Variants in EIF3E observed in about 807,000 individuals in gnomAD.
The protein encoded by EIF3E is eukaryotic translation initiation factor 3 subunit E.
A neutral mutation model predicts 59.3 loss-of-function variants in EIF3E; 25 were observed. The observed-to-expected ratio is 0.42, with a 90% CI of 0.31 to 0.59. EIF3E has a LOEUF of 0.59. EIF3E is among the 20% of genes least tolerant of loss of function. The probability of loss-of-function intolerance (pLI) is 0.15; values close to 1 mark genes in which losing one functional copy is unlikely to be tolerated. For synonymous variants in EIF3E, 176 were observed against 170.2 expected (o/e 1.03, Z -0.26); for missense variants, 317 against 534.3 (o/e 0.59, Z 4.01).
intron 10 of EIF3E, among the ~76,000 whole-genome samples, chr8:108,204,064 A>G (rs1815045255): frequency 6.6e-6 from 1 of 152,126 alleles, no homozygotes; most frequent in South Asian, 2.1e-4. Context: ...TAACATGCAT[A>G]GGTTATATGA....
chr8:108,242,527 C>T (rs1050236198), intron 1 of EIF3E: 4 of 1,170,350 alleles, frequency 3.4e-6, no homozygotes, highest in Non-Finnish European at 4.3e-6. Context: ...GACAGAAATG[C>T]TTCAGCAAAA....
chr8:108,246,440 C>T (rs1815951318), intron 1 of EIF3E, among the ~76,000 whole-genome samples: 1 of 152,160 alleles, frequency 6.6e-6, no homozygotes, highest in Non-Finnish European at 1.5e-5. Context: ...CAGTACCTAC[C>T]TCTTCGACAT....
chr8:108,202,454 T>A (rs1307545233), intron 12 of EIF3E, among the ~76,000 whole-genome samples: 1 of 152,028 alleles, frequency 6.6e-6, no homozygotes, highest in East Asian at 1.9e-4. Flanking sequence ...GATTCCAAAA[T>A]TATAAGGCCA....
chr8:108,202,066 T>C (rs1022541712), intron 12 of EIF3E, 143 bp from the exon 13 acceptor site: 42 of 649,472 alleles, frequency 6.5e-5, no homozygotes, highest in African/African-American at 1.1e-4. Flanking sequence ...CTGCAATTAC[T>C]AGATGTCAGA....
chr8:108,203,946 A>G (rs1815043224), intron 10 of EIF3E, among the ~76,000 whole-genome samples: 1 of 152,148 alleles, frequency 6.6e-6, no homozygotes, highest in South Asian at 2.1e-4. Flanking sequence ...CAAACAATAA[A>G]AAAGAATACA....
Position 108,201,781 on chromosome 8 carries a change from T to C in EIF3E, c.*104A>G. 1 of 933,552 alleles carries C rather than the reference T, an allele frequency of 1.1e-6. No individual in the cohort carries two copies. Among genetic ancestry groups the C allele is most frequent in the Non-Finnish European group, 1.5e-6 (1 of 682,256 alleles). 57.8% of individuals were successfully genotyped at this position (933,552 alleles called of 1,614,324 possible). On this transcript the variant is annotated 3_prime_UTR_variant, in exon 13 of 13. Transcript: ENST00000220849. ...TTTTATTCCAATTCTTCAAAATTTA[T>C]ACGTAATATGTTGTTTCCAAAATGT...
chr8:108,235,671 A>C (rs907415001), intron 4 of EIF3E, among the ~76,000 whole-genome samples: 1 of 152,208 alleles, frequency 6.6e-6, no homozygotes, highest in African/African-American at 2.4e-5. Flanking sequence ...AGGAAAGCTT[A>C]CGATGTTTCT....
intron 7 of EIF3E, among the ~76,000 whole-genome samples, chr8:108,220,013 G>T (rs1051664526): frequency 1.4e-4 from 21 of 152,084 alleles, no homozygotes; most frequent in African/African-American, 4.6e-4. Flanking sequence ...TGTGGAGGCA[G>T]GCACCTGTAA....
intron 3 of EIF3E, among the ~76,000 whole-genome samples, chr8:108,237,865 A>C (rs62537571): frequency 4.6e-5 from 7 of 152,208 alleles, no homozygotes; most frequent in Non-Finnish European, 8.8e-5. Flanking sequence ...ACGATACTAT[A>C]TATTCAATGA....
chr8:108,224,558 A>G (rs1447927412), intron 7 of EIF3E, among the ~76,000 whole-genome samples: 1 of 151,586 alleles, frequency 6.6e-6, no homozygotes, highest in African/African-American at 2.4e-5. Flanking sequence ...AGAAGACTTA[A>G]CAAGACAGAA....
At position 108,236,171 on chromosome 8, in the gene EIF3E, T is replaced by C; in HGVS notation, c.356A>G (p.Asp119Gly). Residue 119 changes from aspartate (D) to glycine (G), a missense_variant, in exon 4 of 13, where the codon GAC becomes GGC. Asp to Gly is a moderately conservative substitution (Grantham distance 94). Around this residue, in one of 4 missense-constraint regions of EIF3E, gnomAD observed 242 missense variants for 398.0 expected, o/e 0.61. Transcript: ENST00000220849. ...TTTTAAAACACTTACACCATGCTTG[T>C]CCGCCAGGTAGTCAAAGAGCATCCT... ...DGRMLFDYLA[D>G]KHGFRQEYLD... is the part of the protein sequence containing the mutation. 6.2e-7 allele frequency: 1 copy of C among 1,610,480 alleles called. No homozygotes were observed. The highest frequency in any genetic ancestry group is 8.5e-7 in the Non-Finnish European group (1 of 1,178,544).
At chr8:108,225,123 A>G (rs1815495042) in intron 7 of EIF3E, among the ~76,000 whole-genome samples, 1 of 151,640 alleles carries the variant, frequency 6.6e-6, no homozygotes, top group Non-Finnish European at 1.5e-5. Flanking sequence ...CTTTTCTCAC[A>G]GAACACTGTT....
intron 10 of EIF3E, among the ~76,000 whole-genome samples, chr8:108,207,398 G>C (rs1186619785): frequency 6.6e-6 from 1 of 152,146 alleles, no homozygotes; most frequent in African/African-American, 2.4e-5. Context: ...AGCTTAAAAG[G>C]CTGTCCCTGG....
At chr8:108,229,393 A>C in intron 5 of EIF3E, 198 bp from the exon 6 acceptor site, 1 of 451,002 alleles carries the variant, frequency 2.2e-6, no homozygotes, top group South Asian at 5.7e-5. Flanking sequence ...GGTCTTCAAT[A>C]ATCAGTCTAG....
intron 10 of EIF3E, 34 bp downstream of exon 10, chr8:108,214,573 G>T: frequency 2.8e-6 from 4 of 1,443,162 alleles, no homozygotes; most frequent in Non-Finnish European, 3.7e-6. Flanking sequence ...GAATTTTAAA[G>T]TAGAAAATCC....
At chr8:108,242,509 T>C in intron 1 of EIF3E, 1 of 1,185,882 alleles carries the variant, frequency 8.4e-7, no homozygotes, top group Non-Finnish European at 1.1e-6. Flanking sequence ...TTCTACAAAA[T>C]ATTCACGGAC....
intron 8 of EIF3E, among the ~76,000 whole-genome samples, chr8:108,216,821 C>A (rs1029241984): frequency 6.6e-6 from 1 of 152,164 alleles, no homozygotes; most frequent in African/African-American, 2.4e-5. Flanking sequence ...TAAGGGTATT[C>A]ATTCCCTACT....
In EIF3E at chr8:108,212,018, A is replaced by G. The variant is rs183649171; in HGVS notation, c.1061+2589T>C. 1.5e-3 allele frequency among the ~76,000 whole-genome samples: 226 copies of G among 152,362 alleles called. 1 individual carries two copies. The highest frequency in any genetic ancestry group is 5.3e-3 in the African/African-American group (220 of 41,580). ...TATAAAAGAACTTACAGTGAGGTAC[A>G]GTACAATGAATGTCAGATACCTTTA... is the stretch of plus-strand genomic sequence containing the variant. On this transcript the variant is annotated intron_variant, in intron 10 of 12. Coordinates refer to ENST00000220849, the MANE Select transcript of EIF3E (RefSeq NM_001568.3).
At chr8:108,238,958 C>T (rs1471121156) in intron 3 of EIF3E, among the ~76,000 whole-genome samples, 1 of 152,094 alleles carries the variant, frequency 6.6e-6, no homozygotes, top group Non-Finnish European at 1.5e-5. Flanking sequence ...CTACGTCAGA[C>T]TAAGGCAATA....
Sources: allele counts gnomAD v4.1 joint callset (sites outside exome capture counted in the v4.1 genomes callset), GRCh38; gene constraint gnomAD v4.1.1; regional missense constraint gnomAD v4.1.1; transcripts MANE v1.5; gene names NCBI Gene and HGNC (gene_info 2026-07-23, HGNC 2026-07-21).